Variants in RLBP1 observed in about 807,000 individuals in gnomAD.
The protein encoded by RLBP1 is retinaldehyde binding protein 1.
In RLBP1, 26 loss-of-function variants were observed where a neutral mutation model predicts 36.2. That is an observed-to-expected ratio of 0.72 (90% CI 0.53 to 1.00). RLBP1 has a LOEUF of 1.00. Among genes scored for constraint, RLBP1 ranks in the 50% least tolerant of loss-of-function variants. The probability of loss-of-function intolerance (pLI) is 0.00; values close to 1 mark genes in which losing one functional copy is unlikely to be tolerated. For missense variants in RLBP1, 410 were observed against 402.4 expected, an observed-to-expected ratio of 1.02 and a Z score of -0.16; for synonymous variants, 155 against 156.2, an observed-to-expected ratio of 0.99 and a Z score of 0.06.
In RLBP1 at chr15:89,211,881, G is replaced by A; in HGVS notation, c.546C>T (p.Phe182=). The A allele has an allele frequency of 6.2e-7, 1 of 1,614,194 alleles. No homozygotes were observed. Among genetic ancestry groups the A allele is most frequent in the East Asian group, 2.2e-5 (1 of 44,884 alleles). The change falls in exon 7 of 9, where the codon TTC becomes TTT. Residue 182 remains phenylalanine (F), a synonymous_variant. Coordinates refer to ENST00000268125, the MANE Select transcript of RLBP1 (RefSeq NM_000326.5). This position sits in a 1 kb window ranked among gnomAD's most constrained non-coding sequence, Gnocchi z 5.8. Reference sequence around the variant, plus strand: ...CATTCTCCAGCAGCTTCTCCAGGATGAAGCAATATGCCTGCAAGATCTTGG... The same window carrying A: ...CATTCTCCAGCAGCTTCTCCAGGATAAAGCAATATGCCTGCAAGATCTTGG... ...TFDEILQAYC[F]ILEKLLENEE...
chr15:89,220,265 G>A (rs755248054), intron 1 of RLBP1, among the ~76,000 whole-genome samples: 6 of 152,156 alleles, frequency 3.9e-5, no homozygotes, highest in Admixed American at 1.3e-4. Flanking sequence ...ATCAGGCTTT[G>A]TCAGTTATGA....
chr15:89,215,035 G>A, intron 6 of RLBP1, 25 bp downstream of exon 6: 3 of 1,613,520 alleles, frequency 1.9e-6, no homozygotes, highest in Non-Finnish European at 2.5e-6. Flanking sequence ...CCCACAGGGT[G>A]GGAGCCAGGC....
At position 89,212,689 on chromosome 15, in the gene RLBP1, G is replaced by A. The variant is rs778788852; in HGVS notation, c.526-788C>T. 5.9e-5 allele frequency among the ~76,000 whole-genome samples: 9 copies of A among 151,444 alleles called. No homozygotes were observed. In the South Asian group the frequency reaches 1.0e-3, roughly 18 times the overall value. On this transcript the variant is annotated intron_variant, in intron 6 of 8. Coordinates refer to ENST00000268125, the MANE Select transcript of RLBP1 (RefSeq NM_000326.5). The stretch of plus-strand genomic sequence containing the variant: ...AAAGATTGGAAGGATGTCAATAGTA[G>A]AGCTCTCTAGGTAGTAGAATTGCAA...
intron 2 of RLBP1, 101 bp from the exon 3 acceptor site, chr15:89,219,176 G>C: frequency 1.5e-6 from 1 of 665,112 alleles, no homozygotes; most frequent in South Asian, 1.7e-5. Flanking sequence ...AGAAACGCAG[G>C]TGCCTGGGTC....
intron 5 of RLBP1, among the ~76,000 whole-genome samples, chr15:89,216,744 GC>G (rs1394623751): frequency 1.3e-5 from 2 of 152,200 alleles, no homozygotes; most frequent in Admixed American, 6.5e-5. Context: ...TTAGGTAACT[GC>G]CCTGAGAGAG....
rs2051566563 is a variant in RLBP1 at position 89,214,911 on chromosome 15, T to A, written c.525+149A>T. ...ACATCCTAGGAATTCTCTCCCTGCC[T>A]GGAAAGGGCTAGGTGGCAGGTGGCT... On this transcript the variant is annotated intron_variant, in intron 6 of 8. Coordinates refer to ENST00000268125, the MANE Select transcript of RLBP1 (RefSeq NM_000326.5). This position sits in a 1 kb window ranked among gnomAD's most constrained non-coding sequence, Gnocchi z 4.6. 2.5e-6 allele frequency: 2 copies of A among 785,892 alleles called. No individual in the cohort carries two copies. Among genetic ancestry groups the A allele is most frequent in the Non-Finnish European group, 4.2e-6 (2 of 474,062 alleles). The allele number at this position is 785,892 out of a possible 1,614,324, so 48.7% of individuals were successfully genotyped here.
At position 89,210,663 on chromosome 15, in the gene RLBP1, C is replaced by T. The variant is rs746571986; in HGVS notation, c.795+36G>A. On this transcript the variant is annotated intron_variant, in intron 8 of 8. Coordinates refer to ENST00000268125, the MANE Select transcript of RLBP1 (RefSeq NM_000326.5). The surrounding 1 kb of genome is among the most constrained non-coding windows in gnomAD (Gnocchi z 4.7). ...CTCAGGTGAGGCCCCACCCTCAGCC[C>T]TCTTGTCTCATTGTCTGGGCGGCCC... 8.2e-6 allele frequency: 12 copies of T among 1,471,102 alleles called. No individual in the cohort carries two copies. The highest frequency in any genetic ancestry group is 1.1e-5 in the Non-Finnish European group (12 of 1,068,862). The allele number at this position is 1,471,102 out of a possible 1,614,324, so 91.1% of individuals were successfully genotyped here. A position where few individuals can be genotyped will look rare whatever the true frequency, so the allele number is the denominator to read the frequency against.
Position 89,214,823 on chromosome 15 carries a change from G to T in RLBP1, c.525+237C>A, listed in dbSNP as rs1430555646. On this transcript the variant is annotated intron_variant, in intron 6 of 8. Transcript: ENST00000268125. The surrounding 1 kb of genome is among the most constrained non-coding windows in gnomAD (Gnocchi z 4.6). Reference sequence around the variant, plus strand: ...CACTTGGCAGGGATACCCAGGAAGAGCCATGTATTATTGACCATCAAGCTC... The same window carrying T: ...CACTTGGCAGGGATACCCAGGAAGATCCATGTATTATTGACCATCAAGCTC... Among the ~76,000 whole-genome samples, 3 of 152,230 alleles carry T rather than the reference G, an allele frequency of 2.0e-5. No individual in the cohort carries two copies. The highest frequency in any genetic ancestry group is 7.2e-5 in the African/African-American group (3 of 41,470).
chr15:89,210,486 C>G lies in RLBP1; in HGVS notation c.796-43G>C. On this transcript the variant is annotated intron_variant, in intron 8 of 8. Coordinates refer to ENST00000268125, the MANE Select transcript of RLBP1 (RefSeq NM_000326.5). The surrounding 1 kb of genome is among the most constrained non-coding windows in gnomAD (Gnocchi z 4.7). ...AGACAGAACTGAGCAGGAGGAGGTGCCCTAAGGATGAGGGTTGAGGGAGGA... is the reference window on the plus strand; with the variant it reads ...AGACAGAACTGAGCAGGAGGAGGTGGCCTAAGGATGAGGGTTGAGGGAGGA... 1 of 1,610,100 alleles carries G rather than the reference C, an allele frequency of 6.2e-7. No homozygotes were observed. The highest frequency in any genetic ancestry group is 8.5e-7 in the Non-Finnish European group (1 of 1,176,700).
chr15:89,217,026 T>C, intron 5 of RLBP1, 94 bp downstream of exon 5: 2 of 1,343,690 alleles, frequency 1.5e-6, no homozygotes, highest in Non-Finnish European at 2.1e-6. Flanking sequence ...GCCCACAGTA[T>C]GGAAGCAGGC....
At chr15:89,217,572 A>G (rs1209239030) in intron 4 of RLBP1, among the ~76,000 whole-genome samples, 1 of 152,248 alleles carries the variant, frequency 6.6e-6, no homozygotes, top group Non-Finnish European at 1.5e-5. Context: ...ATGACTGCCT[A>G]CACTCACTGA....
chr15:89,212,320 G>A (rs780623514), intron 6 of RLBP1, among the ~76,000 whole-genome samples: 10 of 152,090 alleles, frequency 6.6e-5, no homozygotes, highest in African/African-American at 2.4e-4. Context: ...GGTGGCTCAC[G>A]CCTATAATCC....
At position 89,210,794 on chromosome 15, in the gene RLBP1, G is replaced by T; in HGVS notation, c.700C>A (p.Arg234=). 1 of 1,589,200 alleles carries T rather than the reference G, an allele frequency of 6.3e-7. No homozygotes were observed. Among genetic ancestry groups the T allele is most frequent in the East Asian group, 2.3e-5 (1 of 43,972 alleles). Residue 234 remains arginine, a synonymous_variant, in exon 8 of 9, where the codon CGG becomes AGG. Transcript: ENST00000268125. The surrounding 1 kb of genome is among the most constrained non-coding windows in gnomAD (Gnocchi z 4.7). ...TGGATGAAGTGGATGGCTTTGAACCGGGCTGGGAAGGAATCCTGCGGTGAC... is the reference window on the plus strand; with the variant it reads ...TGGATGAAGTGGATGGCTTTGAACCTGGCTGGGAAGGAATCCTGCGGTGAC... ...VDMLQDSFPA[R]FKAIHFIHQP... is the part of the protein sequence containing the mutation.
At position 89,211,590 on chromosome 15, in the gene RLBP1, A is replaced by C. The variant is rs1436950267; in HGVS notation, c.684+153T>G. On this transcript the variant is annotated intron_variant, in intron 7 of 8. Transcript: ENST00000268125. This position sits in a 1 kb window ranked among gnomAD's most constrained non-coding sequence, Gnocchi z 5.8. ...CTTGGCAAACTGTCAATCACTATGC[A>C]GGTGCTTATGGTTGGGACTGTGGCT... Among the ~76,000 whole-genome samples the C allele has an allele frequency of 6.6e-6, 1 of 152,226 alleles. No individual in the cohort carries two copies. The highest frequency in any genetic ancestry group is 2.4e-5 in the African/African-American group (1 of 41,468).
chr15:89,216,372 G>T (rs187352627), intron 5 of RLBP1, among the ~76,000 whole-genome samples: 3 of 151,816 alleles, frequency 2.0e-5, no homozygotes, highest in Non-Finnish European at 4.4e-5. Flanking sequence ...GCCCAGGCTG[G>T]AGTGCAATGG....
chr15:89,212,288 G>A (rs2150969298), intron 6 of RLBP1, among the ~76,000 whole-genome samples: 1 of 152,296 alleles, frequency 6.6e-6, no homozygotes, highest in South Asian at 2.1e-4. Flanking sequence ...ATTATTGTAA[G>A]AAAAATGTGT....
chr15:89,213,747 G>A (rs1596182297), intron 6 of RLBP1, among the ~76,000 whole-genome samples: 1 of 152,192 alleles, frequency 6.6e-6, no homozygotes, highest in African/African-American at 2.4e-5. Flanking sequence ...TTTGTGGATA[G>A]GACAACTGGC....
In RLBP1 at chr15:89,218,620, T is replaced by TAA; in HGVS notation, c.85_86insTT (p.Asp29ValfsTer25). The TAA allele has an allele frequency of 6.2e-7, 1 of 1,614,136 alleles. No homozygotes were observed. The highest frequency in any genetic ancestry group is 8.5e-7 in the Non-Finnish European group (1 of 1,180,010). ...GCACGGGCCAAAGACAGGTCCATGG[T>TAA]CCTTGGTTGTGAGCTGCTCCAGTTG... On this transcript the variant is annotated frameshift_variant, in exon 4 of 9. Transcript: ENST00000268125. LOFTEE classifies it high-confidence loss of function. The surrounding 1 kb of genome is among the most constrained non-coding windows in gnomAD (Gnocchi z 4.6).
intron 6 of RLBP1, among the ~76,000 whole-genome samples, chr15:89,212,590 A>G (rs1443682505): frequency 6.9e-6 from 1 of 144,202 alleles, no homozygotes; most frequent in Non-Finnish European, 1.5e-5. Flanking sequence ...TGTCTCAAAA[A>G]AAAAAAAAAA....
Sources: allele counts gnomAD v4.1 joint callset (sites outside exome capture counted in the v4.1 genomes callset), GRCh38; gene constraint gnomAD v4.1.1; non-coding constraint Gnocchi (gnomAD v3.1); transcripts MANE v1.5; gene names NCBI Gene and HGNC (gene_info 2026-07-23, HGNC 2026-07-21).